FHIP1A: variants seen among roughly 807,000 people sequenced by gnomAD.
FHIP1A encodes FHF complex subunit HOOK-interacting protein 1A.
In FHIP1A, 61 loss-of-function variants were observed where a neutral mutation model predicts 88.6. The ratio of observed to expected loss-of-function variants is 0.69; its 90% confidence interval spans 0.56 to 0.85. The LOEUF is 0.85. Among genes scored for constraint, FHIP1A ranks in the 40% least tolerant of loss-of-function variants. The pLI is 0.00. For synonymous variants in FHIP1A, 478 were observed against 496.0 expected, an observed-to-expected ratio of 0.96 and a Z score of 0.48; for missense variants, 1,154 against 1,273.5, an observed-to-expected ratio of 0.91 and a Z score of 1.43.
At chr4:151,494,376 A>T (rs1174466303) in intron 3 of FHIP1A, among the ~76,000 whole-genome samples, 1 of 152,212 alleles carries the variant, frequency 6.6e-6, no homozygotes, top group African/African-American at 2.4e-5. Flanking sequence ...GTCCAGCTTC[A>T]ATCTTCTGTA....
At position 151,538,594 on chromosome 4, in the gene FHIP1A, C is replaced by G. The variant is rs189973506; in HGVS notation, c.-122-27544C>G. ...TTACTATTTCTCCATGGTAAGTGAGCTCTCTAGTCTTTCTTTAGAGATGTG... is the reference window on the plus strand; with the variant it reads ...TTACTATTTCTCCATGGTAAGTGAGGTCTCTAGTCTTTCTTTAGAGATGTG... On this transcript the variant is annotated intron_variant, in intron 3 of 13. Coordinates refer to ENST00000435205, the MANE Select transcript of FHIP1A (RefSeq NM_001109977.3). Among the ~76,000 whole-genome samples, 35 of 152,302 alleles carry G rather than the reference C, an allele frequency of 2.3e-4. No homozygotes were observed. The East Asian group carries it at 5.4e-3, about 23-fold the overall frequency.
chr4:151,484,330 A>G (rs1730002963), intron 3 of FHIP1A, among the ~76,000 whole-genome samples: 1 of 152,240 alleles, frequency 6.6e-6, no homozygotes, highest in South Asian at 2.1e-4. Context: ...TGATATTTAT[A>G]CTGGTTTGGA....
chr4:151,487,983 C>T (rs1293653754), intron 3 of FHIP1A, among the ~76,000 whole-genome samples: 3 of 152,178 alleles, frequency 2.0e-5, no homozygotes, highest in African/African-American at 7.2e-5. Flanking sequence ...AGTTCACCTG[C>T]TAAATCTCTC....
intron 3 of FHIP1A, among the ~76,000 whole-genome samples, chr4:151,491,580 GA>G (rs904621108): frequency 1.0e-4 from 15 of 148,584 alleles, no homozygotes; most frequent in East Asian, 3.9e-4. Context: ...ATAACACAAT[GA>G]AAAAAAAACA....
At chr4:151,589,852 A>G (rs1734358282) in intron 7 of FHIP1A, among the ~76,000 whole-genome samples, 1 of 152,192 alleles carries the variant, frequency 6.6e-6, no homozygotes, top group South Asian at 2.1e-4. Flanking sequence ...CATAGTGGCC[A>G]TGTTTTCCAA....
rs116234453 is a variant in FHIP1A, at chr4:151,541,567, G to A, written c.-122-24571G>A. Among the ~76,000 whole-genome samples the A allele has an allele frequency of 8.4e-3, 1,275 of 152,258 alleles. 19 individuals carry two copies. The highest frequency in any genetic ancestry group is 0.03 in the African/African-American group (1,227 of 41,538). ...GTGTGACGTTTAAGTTGAAGGATAG[G>A]CTTTTATGCAACACTGCTTTGTCCT... is the stretch of plus-strand genomic sequence containing the variant. On this transcript the variant is annotated intron_variant, in intron 3 of 13. Transcript: ENST00000435205.
chr4:151,622,680 G>A (rs971719531), intron 7 of FHIP1A, among the ~76,000 whole-genome samples: 2 of 152,044 alleles, frequency 1.3e-5, no homozygotes, highest in Non-Finnish European at 2.9e-5. Context: ...TTCTTAAATT[G>A]TAACCAAGAA....
chr4:151,454,396 C>T (rs1718843046), intron 1 of FHIP1A, among the ~76,000 whole-genome samples: 1 of 152,190 alleles, frequency 6.6e-6, no homozygotes, highest in African/African-American at 2.4e-5. Context: ...TGACACAGAA[C>T]AAGCTATGCC....
At chr4:151,484,867 G>T (rs1730021751) in intron 3 of FHIP1A, among the ~76,000 whole-genome samples, 1 of 152,174 alleles carries the variant, frequency 6.6e-6, no homozygotes, top group Non-Finnish European at 1.5e-5. Context: ...GGCAGCATTA[G>T]AAGGCTCTCC....
chr4:151,551,423 A>C (rs1011234759), intron 3 of FHIP1A, among the ~76,000 whole-genome samples: 2 of 152,214 alleles, frequency 1.3e-5, no homozygotes, highest in African/African-American at 2.4e-5. Context: ...ACACTACCTG[A>C]CTTCAAACTA....
At chr4:151,471,906 A>T (rs559296108) in intron 2 of FHIP1A, among the ~76,000 whole-genome samples, 5 of 152,186 alleles carry the variant, frequency 3.3e-5, no homozygotes, top group African/African-American at 1.2e-4. Context: ...ACTTAGAATA[A>T]TATTCTCCAG....
chr4:151,427,155 A>C (rs533408500), intron 1 of FHIP1A, among the ~76,000 whole-genome samples: 7 of 152,298 alleles, frequency 4.6e-5, no homozygotes, highest in Non-Finnish European at 1.0e-4. Flanking sequence ...AACAATTCAT[A>C]TGCAGGATCT....
At position 151,438,418 on chromosome 4, in the gene FHIP1A, A is replaced by G. The variant is rs561878757; in HGVS notation, c.-355-16283A>G. Among the ~76,000 whole-genome samples, 19 of 152,228 alleles carry G rather than the reference A, an allele frequency of 1.2e-4. 1 individual carries two copies. The South Asian group carries it at 3.9e-3, about 32-fold the overall frequency. On this transcript the variant is annotated intron_variant, in intron 1 of 13. Coordinates refer to ENST00000435205, the MANE Select transcript of FHIP1A (RefSeq NM_001109977.3). ...CCTAGCGGGGCACCTGTCACACTAC[A>G]CTAACCAGAAAAAGGATTTAATTCT...
intron 3 of FHIP1A, among the ~76,000 whole-genome samples, chr4:151,524,591 C>A (rs532066992): frequency 6.6e-6 from 1 of 152,276 alleles, no homozygotes; most frequent in East Asian, 1.9e-4. Flanking sequence ...GTCTTGTAGC[C>A]ATGGGTGGTG....
At chr4:151,645,885 A>C (rs547826004) in intron 9 of FHIP1A, among the ~76,000 whole-genome samples, 1 of 152,114 alleles carries the variant, frequency 6.6e-6, no homozygotes, top group Non-Finnish European at 1.5e-5. Flanking sequence ...TCACCAACCA[A>C]AAGTGTTTTA....
intron 9 of FHIP1A, among the ~76,000 whole-genome samples, chr4:151,644,239 C>T (rs2126900058): frequency 6.6e-6 from 1 of 152,316 alleles, no homozygotes; most frequent in African/African-American, 2.4e-5. Flanking sequence ...TCCCAGCTCT[C>T]ACCCCAGCCA....
chr4:151,636,752 C>G (rs1202897169), intron 8 of FHIP1A, among the ~76,000 whole-genome samples: 1 of 152,022 alleles, frequency 6.6e-6, no homozygotes, highest in Non-Finnish European at 1.5e-5. Flanking sequence ...TAGGAATACT[C>G]CACAAATCGA....
intron 7 of FHIP1A, among the ~76,000 whole-genome samples, chr4:151,625,689 G>A (rs1355785119): frequency 1.3e-5 from 2 of 152,114 alleles, no homozygotes; most frequent in East Asian, 3.9e-4. Flanking sequence ...GTGATGCATG[G>A]TGTCACCTCC....
At chr4:151,458,499 G>A (rs2709831) in intron 2 of FHIP1A, among the ~76,000 whole-genome samples, 78,912 of 151,732 alleles carry the variant, frequency 0.52, 20,828 homozygotes, top group African/African-American at 0.55. Context: ...AGGTGCAGAA[G>A]ATGTGTGTGG....
Sources: gnomAD v4.1 joint callset for allele counts (sites outside exome capture counted in the v4.1 genomes callset) on GRCh38, gnomAD v4.1.1 for gene constraint, MANE v1.5 for transcripts, NCBI Gene and HGNC (gene_info 2026-07-23, HGNC 2026-07-21) for gene names.